The following IL36A variants were observed in gnomAD, a reference collection of about 807,000 sequenced individuals.
The protein encoded by IL36A is interleukin 36 alpha.
In IL36A, 13 loss-of-function variants were observed where a neutral mutation model predicts 12.7. The observed-to-expected ratio is 1.02, with a 90% CI of 0.67 to 1.63. The LOEUF is 1.63. Ranked by LOEUF, IL36A falls within the 40% of genes most tolerant of loss-of-function variation. The pLI is 0.00. For missense variants in IL36A, 195 were observed against 192.9 expected (o/e 1.01, Z -0.07); for synonymous variants, 73 against 71.9 (o/e 1.01, Z -0.08).
downstream of IL36A, among the ~76,000 whole-genome samples, chr2:113,010,979 G>A (rs766074587): frequency 1.3e-4 from 20 of 152,080 alleles, no homozygotes; most frequent in Non-Finnish European, 2.2e-4. Context: ...AGTATTTGTC[G>A]TTTTGTGACT....
chr2:113,010,190 C>T (rs1403987264), downstream of IL36A, among the ~76,000 whole-genome samples: 1 of 152,176 alleles, frequency 6.6e-6, no homozygotes, highest in African/African-American at 2.4e-5. Context: ...ATGCTGTTTT[C>T]CTGAGCACAC....
chr2:113,006,873 C>T, intron 3 of IL36A, 136 bp downstream of exon 3: 1 of 785,590 alleles, frequency 1.3e-6, no homozygotes, highest in Non-Finnish European at 1.9e-6. Flanking sequence ...TTATGAAAGA[C>T]TAAGAAAAAT....
rs766864713 is a variant in IL36A at position 113,005,904 on chromosome 2, G to A, written c.10+23G>A. 71 of 1,613,754 alleles carry A rather than the reference G, an allele frequency of 4.4e-5. No individual in the cohort carries two copies. The Middle Eastern group carries it at 6.6e-4, about 15-fold the overall frequency. On this transcript the variant is annotated intron_variant, in intron 1 of 3. Transcript: ENST00000259211. ...AAGGTAAAGATCCTCGTGGAAGGGCGAAAAATTGACAAGGGGGTGATATTC... is the reference window on the plus strand; with the variant it reads ...AAGGTAAAGATCCTCGTGGAAGGGCAAAAAATTGACAAGGGGGTGATATTC...
rs28938798 is a variant in IL36A at position 113,006,661 on chromosome 2, T to C, written c.188T>C (p.Ile63Thr). 3.3e-4 allele frequency: 525 copies of C among 1,614,134 alleles called. 1 individual carries two copies. The African/African-American group carries it at 6.1e-3, about 19-fold the overall frequency. ...CTTGAGAAAGACAGAGGGAACCCCA[T>C]CTACCTGGGCCTGAATGGACTCAAT... ...ETLEKDRGNP[I>T]YLGLNGLNLC... Residue 63 changes from isoleucine (I) to threonine (T), a missense_variant, in exon 3 of 4, where the codon ATC (isoleucine) becomes ACC (threonine). Ile to Thr is a moderately conservative substitution (Grantham distance 89). Coordinates refer to ENST00000259211, the MANE Select transcript of IL36A (RefSeq NM_014440.3).
chr2:113,006,775 G>A (rs1684632274), intron 3 of IL36A, 38 bp downstream of exon 3: 5 of 1,604,070 alleles, frequency 3.1e-6, no homozygotes, highest in Non-Finnish European at 4.3e-6. Context: ...TTATTTGATG[G>A]AAACTCAGAT....
chr2:113,006,790 G>A (rs1684632660), intron 3 of IL36A, 53 bp downstream of exon 3: 3 of 1,592,810 alleles, frequency 1.9e-6, no homozygotes, highest in African/African-American at 2.7e-5. Flanking sequence ...TCAGATTTCA[G>A]GATCTTTTAA....
chr2:113,009,918 T>C (rs1427560848), downstream of IL36A, among the ~76,000 whole-genome samples: 1 of 151,666 alleles, frequency 6.6e-6, no homozygotes, highest in Non-Finnish European at 1.5e-5. Context: ...TGAAGACTTC[T>C]TTTTAATCCT....
intron 2 of IL36A, 111 bp downstream of exon 2, chr2:113,006,198 G>A (rs929900268): frequency 8.1e-6 from 6 of 736,464 alleles, no homozygotes; most frequent in Non-Finnish European, 1.5e-5. Flanking sequence ...TCTACAGAGA[G>A]GAGCATCTCA....
Position 113,006,070 on chromosome 2 carries a change from A to G in IL36A, c.107A>G (p.Lys36Arg). 6.2e-7 allele frequency: 1 copy of G among 1,612,348 alleles called. No homozygotes were observed. Among genetic ancestry groups the G allele is most frequent in the Non-Finnish European group, 8.5e-7 (1 of 1,178,390 alleles). ...CAGACGCTCATAGCAGTCCCGAGGAAGGACCGTATGTCTCCAGGTGAGTAG... is the reference window on the plus strand; with the variant it reads ...CAGACGCTCATAGCAGTCCCGAGGAGGGACCGTATGTCTCCAGGTGAGTAG... Reference protein sequence around the residue: ...QDQTLIAVPRKDRMSPVTIAL... With the variant: ...QDQTLIAVPRRDRMSPVTIAL... The change falls in exon 2 of 4, where the codon AAG (lysine) becomes AGG (arginine). Residue 36 changes from lysine (K) to arginine (R), a missense_variant. By Grantham distance (26) the Lys-to-Arg change is conservative. Coordinates refer to ENST00000259211, the MANE Select transcript of IL36A (RefSeq NM_014440.3).
chr2:113,006,828 A>G (rs1231044734), intron 3 of IL36A, 91 bp downstream of exon 3: 7 of 1,399,904 alleles, frequency 5.0e-6, no homozygotes, highest in Admixed American at 4.3e-5. Context: ...ATGCTCATGC[A>G]TTTTTATTTT....
intron 3 of IL36A, 86 bp downstream of exon 3, chr2:113,006,823 C>T: frequency 7.1e-6 from 10 of 1,414,636 alleles, no homozygotes; most frequent in Non-Finnish European, 8.7e-6. Flanking sequence ...TTATTATGCT[C>T]ATGCATTTTT....
rs768568561 is a variant in IL36A at position 113,006,754 on chromosome 2, G to C, written c.264+17G>C. On this transcript the variant is annotated intron_variant, in intron 3 of 3. Transcript: ENST00000259211. ...CAGCTGAAGGTGAGTGTGGAAGACA[G>C]GTCCTGCCATTTATTTGATGGAAAC... 1 of 1,610,822 alleles carries C rather than the reference G, an allele frequency of 6.2e-7. No individual in the cohort carries two copies.
intron 2 of IL36A, 105 bp from the exon 3 acceptor site, chr2:113,006,493 T>C (rs1230123623): frequency 1.6e-6 from 2 of 1,271,084 alleles, no homozygotes; most frequent in Admixed American, 1.8e-5. Context: ...GACCATTCTA[T>C]GAGTGCACTG....
Position 113,007,986 on chromosome 2 carries a change from T to C in IL36A, c.419T>C (p.Leu140Pro). ...VSSEGGCPLI[L>P]TQELGKANTT... ...TCTGAAGGAGGCTGTCCTCTCATCC[T>C]TACCCAAGAACTGGGGAAAGCCAAC... The change falls in exon 4 of 4, where the codon CTT becomes CCT. Residue 140 changes from leucine to proline, a missense_variant. Physicochemically the swap from Leu to Pro is moderately conservative, Grantham distance 98. Transcript: ENST00000259211. 1 of 1,614,238 alleles carries C rather than the reference T, an allele frequency of 6.2e-7. No homozygotes were observed.
chr2:113,008,819 A>ATTTT (rs1341220038), downstream of IL36A, among the ~76,000 whole-genome samples: 7 of 150,130 alleles, frequency 4.7e-5, no homozygotes, highest in Admixed American at 3.3e-4. Flanking sequence ...TTTTTTTTTA[A>ATTTT]AAATTTTATT....
chr2:113,007,179 T>C (rs1684640986), intron 3 of IL36A, among the ~76,000 whole-genome samples: 2 of 152,238 alleles, frequency 1.3e-5, no homozygotes, highest in South Asian at 4.1e-4. Flanking sequence ...CTCTGTGTAC[T>C]ACAGGAACTC....
rs749887916 is a variant in IL36A at position 113,007,954 on chromosome 2, T to C, written c.387T>C (p.Ala129=). 11 of 1,614,204 alleles carry C rather than the reference T, an allele frequency of 6.8e-6. No individual in the cohort carries two copies. Among genetic ancestry groups the C allele is most frequent in the South Asian group, 1.1e-5 (1 of 91,090 alleles). Reference sequence around the variant, plus strand: ...TGGCTTTCCCTGGCTGGTTCATCGCTGTCAGCTCTGAAGGAGGCTGTCCTC... The same window carrying C: ...TGGCTTTCCCTGGCTGGTTCATCGCCGTCAGCTCTGAAGGAGGCTGTCCTC... ...ESVAFPGWFI[A]VSSEGGCPLI... is the part of the protein sequence containing the mutation. Residue 129 remains alanine, a synonymous_variant, in exon 4 of 4, where the codon GCT becomes GCC. Transcript: ENST00000259211.
chr2:113,008,357 CTTT>C (rs780723737), downstream of IL36A, among the ~76,000 whole-genome samples: 2 of 123,370 alleles, frequency 1.6e-5, no homozygotes, highest in African/African-American at 3.3e-5. Context: ...GGTGGTGACT[CTTT>C]TTTTTTTTTT....
rs368238741 is a variant in IL36A, at chr2:113,007,826, C to T, written c.265-6C>T. ...TTCTTGCTGGTGTCTCCTTCGCACC[C>T]TTCAGGAAAAGGATATAATGGATTT... On this transcript the variant is annotated splice_region_variant and splice_polypyrimidine_tract_variant and intron_variant, in intron 3 of 3. Coordinates refer to ENST00000259211, the MANE Select transcript of IL36A (RefSeq NM_014440.3). The T allele has an allele frequency of 1.1e-4, 184 of 1,611,168 alleles. No individual in the cohort carries two copies. In the African/African-American group the frequency reaches 2.3e-3, roughly 20 times the overall value.
Sources: gnomAD v4.1 joint callset for allele counts (sites outside exome capture counted in the v4.1 genomes callset) on GRCh38, gnomAD v4.1.1 for gene constraint, MANE v1.5 for transcripts, NCBI Gene and HGNC (gene_info 2026-07-23, HGNC 2026-07-21) for gene names.